PRICKLE2: variants seen among roughly 807,000 people sequenced by gnomAD.
The protein encoded by PRICKLE2 is prickle-like protein 2.
In PRICKLE2, 21 loss-of-function variants were observed where a neutral mutation model predicts 81.4. The ratio of observed to expected loss-of-function variants is 0.26; its 90% CI spans 0.18 to 0.37. PRICKLE2 has a LOEUF of 0.37. Among genes scored for constraint, PRICKLE2 ranks in the 10% least tolerant of loss-of-function variants. The probability of loss-of-function intolerance (pLI) is 1.00; values close to 1 mark genes in which losing one functional copy is unlikely to be tolerated. For synonymous variants in PRICKLE2, 456 were observed against 421.5 expected (o/e 1.08, Z -1.00); for missense variants, 940 against 1,109.0 (o/e 0.85, Z 2.16).
Position 64,092,737 on chromosome 3 carries a change from T to C in PRICKLE2, c.*6314A>G, listed in dbSNP as rs76900103. 6.6e-6 allele frequency: 1 copy of C among 152,216 alleles called. No individual in the cohort carries two copies. The highest frequency in any genetic ancestry group is 2.1e-4 in the South Asian group (1 of 4,836). 9.4% of individuals were successfully genotyped at this position (152,216 alleles called of 1,614,324 possible). A position where few individuals can be genotyped will look rare whatever the true frequency, so the allele number is the denominator to read the frequency against. ...TCAATTCTTGCTAATAACTGAAAAT[T>C]AACTGTGTGGCCTGGGTAGGAATCA... On this transcript the variant is annotated 3_prime_UTR_variant, in exon 8 of 8. Transcript: ENST00000638394.
chr3:64,193,808 T>C (rs1475374974), intron 2 of PRICKLE2, among the ~76,000 whole-genome samples: 1 of 152,212 alleles, frequency 6.6e-6, no homozygotes, highest in Non-Finnish European at 1.5e-5. Flanking sequence ...AAGCTCTCTT[T>C]GCTTGCTGCC....
chr3:64,220,851 C>T (rs11924614), intron 1 of PRICKLE2, among the ~76,000 whole-genome samples: 4 of 151,884 alleles, frequency 2.6e-5, no homozygotes, highest in Admixed American at 6.6e-5. Context: ...GCCAAACATG[C>T]GCTAAAGTTT....
intron 2 of PRICKLE2, among the ~76,000 whole-genome samples, chr3:64,233,059 C>T (rs997760224): frequency 3.9e-5 from 6 of 152,198 alleles, no homozygotes; most frequent in African/African-American, 1.4e-4. Context: ...GAACGTACAG[C>T]CTGCAAAGCC....
chr3:64,243,310 A>G (rs1343615345), intron 2 of PRICKLE2, among the ~76,000 whole-genome samples: 1 of 152,208 alleles, frequency 6.6e-6, no homozygotes. Flanking sequence ...TGTGCCATGT[A>G]TTGCATGGTG....
intron 5 of PRICKLE2, among the ~76,000 whole-genome samples, 153 bp downstream of exon 5, chr3:64,157,009 A>G (rs768600301): frequency 6.6e-6 from 1 of 152,218 alleles, no homozygotes; most frequent in Non-Finnish European, 1.5e-5. Flanking sequence ...TCTAGAAACC[A>G]GGGATGGGTG....
chr3:64,110,040 C>G (rs1339938097), intron 7 of PRICKLE2, among the ~76,000 whole-genome samples: 2 of 152,146 alleles, frequency 1.3e-5, no homozygotes, highest in Non-Finnish European at 2.9e-5. Flanking sequence ...AAGGAGGAAA[C>G]CAGGAAGGGA....
intron 7 of PRICKLE2, among the ~76,000 whole-genome samples, chr3:64,116,665 A>T (rs2076939108): frequency 6.6e-6 from 1 of 152,176 alleles, no homozygotes; most frequent in Non-Finnish European, 1.5e-5. Context: ...GAATCCCTGA[A>T]CAGACCAATA....
chr3:64,133,046 G>C (rs1380058104), intron 7 of PRICKLE2, among the ~76,000 whole-genome samples: 1 of 152,156 alleles, frequency 6.6e-6, no homozygotes, highest in Non-Finnish European at 1.5e-5. Context: ...CAGTCCCTGG[G>C]CTCAGAGGAA....
upstream of PRICKLE2, chr3:64,225,498 G>A: frequency 1.0e-6 from 1 of 976,284 alleles, no homozygotes; most frequent in Non-Finnish European, 1.2e-6. Flanking sequence ...ATGAAGCTGT[G>A]ATGTCAGCAA....
At position 64,099,404 on chromosome 3, in the gene PRICKLE2, G is replaced by A. The variant is rs780553569; in HGVS notation, c.2182C>T (p.Arg728Cys). 3.8e-6 allele frequency: 6 copies of A among 1,599,052 alleles called. No homozygotes were observed. The highest frequency in any genetic ancestry group is 1.1e-5 in the South Asian group (1 of 90,170). The part of the protein sequence containing the change: ...RAREDYDQFM[R>C]QRSFQESMGH... ...ATGCTCTCCTGGAAGCTCCGCTGGC[G>A]CATAAATTGGTCATAGTCCTCCCTG... Residue 728 changes from arginine to cysteine, a missense_variant, in exon 8 of 8, where the codon CGC becomes TGC. Physicochemically the swap from Arg to Cys is radical, Grantham distance 180. This residue lies in a region of PRICKLE2 where 670 missense variants were observed against 717.2 expected (regional missense o/e 0.93). Coordinates refer to ENST00000638394, the MANE Select transcript of PRICKLE2 (RefSeq NM_198859.4). This position sits in a 1 kb window ranked among gnomAD's most constrained non-coding sequence, Gnocchi z 4.3.
chr3:64,234,218 T>C (rs2079148160), intron 2 of PRICKLE2, among the ~76,000 whole-genome samples: 1 of 152,124 alleles, frequency 6.6e-6, no homozygotes, highest in South Asian at 2.1e-4. Context: ...AACTCTAGGT[T>C]TAACATTTCA....
chr3:64,248,086 A>C (rs2107177284), intron 2 of PRICKLE2, among the ~76,000 whole-genome samples: 1 of 152,338 alleles, frequency 6.6e-6, no homozygotes, highest in Admixed American at 6.5e-5. Flanking sequence ...TGCAGGAGTA[A>C]GTTGAACACA....
upstream of PRICKLE2, among the ~76,000 whole-genome samples, chr3:64,226,648 T>C (rs559519111): frequency 6.6e-6 from 1 of 152,358 alleles, no homozygotes; most frequent in East Asian, 1.9e-4. Context: ...ATTTCTGATA[T>C]TTTGAATGAA....
chr3:64,107,097 C>A lies in PRICKLE2; in HGVS notation c.1661-7172G>T, dbSNP rs578127346. On this transcript the variant is annotated intron_variant, in intron 7 of 7. Coordinates refer to ENST00000638394, the MANE Select transcript of PRICKLE2 (RefSeq NM_198859.4). ...CAAGGGTCAGTGTGACTGGGAGCTA[C>A]GCAAATGTCCATGCACCACAGGGGT... 1.4e-4 allele frequency among the ~76,000 whole-genome samples: 22 copies of A among 152,254 alleles called. No individual in the cohort carries two copies. The South Asian group carries it at 4.3e-3, about 30-fold the overall frequency.
intron 2 of PRICKLE2, among the ~76,000 whole-genome samples, chr3:64,173,776 G>T (rs1291387959): frequency 6.6e-6 from 1 of 152,200 alleles, no homozygotes; most frequent in Non-Finnish European, 1.5e-5. Flanking sequence ...ATTAAGCCAA[G>T]TTGTCTATCT....
At chr3:64,266,879 G>A (rs1206666023) in intron 2 of PRICKLE2, among the ~76,000 whole-genome samples, 9 of 151,884 alleles carry the variant, frequency 5.9e-5, no homozygotes, top group Non-Finnish European at 1.3e-4. Flanking sequence ...AATGGAATTT[G>A]GCAATCCACA....
chr3:64,225,185 A>G lies in PRICKLE2; in HGVS notation c.-316T>C. ...GGGGAATTCACCAAGCAAGAGAAAAAAAGTATGACTTCTACTCTTCCTCTA... is the reference window on the plus strand; with the variant it reads ...GGGGAATTCACCAAGCAAGAGAAAAGAAGTATGACTTCTACTCTTCCTCTA... On this transcript the variant is annotated 5_prime_UTR_variant, in exon 1 of 8. Coordinates refer to ENST00000638394, the MANE Select transcript of PRICKLE2 (RefSeq NM_198859.4). 2 of 985,392 alleles carry G rather than the reference A, an allele frequency of 2.0e-6. No homozygotes were observed. Among genetic ancestry groups the G allele is most frequent in the Non-Finnish European group, 2.4e-6 (2 of 829,940 alleles). 61.0% of individuals were successfully genotyped at this position (985,392 alleles called of 1,614,324 possible).
intron 2 of PRICKLE2, among the ~76,000 whole-genome samples, chr3:64,234,838 G>T (rs2079157547): frequency 6.6e-6 from 1 of 152,072 alleles, no homozygotes; most frequent in East Asian, 1.9e-4. Flanking sequence ...TTTTGATTAT[G>T]AGGTGTTTGA....
At chr3:64,229,761 C>T (rs1336731938), upstream of PRICKLE2, among the ~76,000 whole-genome samples, 5 of 152,116 alleles carry the variant, frequency 3.3e-5, no homozygotes, top group Non-Finnish European at 7.4e-5. Context: ...TCTGTGTGTG[C>T]GTGCTTTTAA....
Sources: gnomAD v4.1 joint callset for allele counts (sites outside exome capture counted in the v4.1 genomes callset) on GRCh38, gnomAD v4.1.1 for gene constraint, gnomAD v4.1.1 regional missense constraint, Gnocchi (gnomAD v3.1) non-coding constraint, MANE v1.5 for transcripts, NCBI Gene and HGNC (gene_info 2026-07-23, HGNC 2026-07-21) for gene names.